ZNF385B: variants seen among roughly 807,000 people sequenced by gnomAD.
ZNF385B encodes zinc finger protein 533.
In ZNF385B, 23 loss-of-function variants were observed where a neutral mutation model predicts 39.2. The observed-to-expected ratio is 0.59, with a 90% CI of 0.42 to 0.83. ZNF385B has a LOEUF of 0.83. Among genes scored for constraint, ZNF385B ranks in the 40% least tolerant of loss-of-function variants. The pLI is 0.00. For missense variants in ZNF385B, 552 were observed against 598.9 expected, an observed-to-expected ratio of 0.92 and a Z score of 0.82; for synonymous variants, 205 against 222.6, an observed-to-expected ratio of 0.92 and a Z score of 0.70.
At chr2:179,687,671 A>T (rs1218290593) in intron 3 of ZNF385B, among the ~76,000 whole-genome samples, 3 of 152,198 alleles carry the variant, frequency 2.0e-5, no homozygotes, top group Admixed American at 2.0e-4. Flanking sequence ...TCAGATCTGG[A>T]GTAAGATAGG....
At chr2:179,573,091 GCT>G (rs1685416090) in intron 3 of ZNF385B, among the ~76,000 whole-genome samples, 1 of 152,126 alleles carries the variant, frequency 6.6e-6, no homozygotes, top group Admixed American at 6.6e-5. Flanking sequence ...TCAAGAATCT[GCT>G]CTCAAGTATT....
intron 1 of ZNF385B, among the ~76,000 whole-genome samples, chr2:179,847,670 G>A (rs112586154): frequency 2.6e-4 from 39 of 152,266 alleles, no homozygotes; most frequent in Admixed American, 7.2e-4. Flanking sequence ...CCAAAGCAAC[G>A]TTGAACCAGA....
chr2:179,455,733 C>T (rs1290058142), intron 6 of ZNF385B, among the ~76,000 whole-genome samples: 3 of 150,690 alleles, frequency 2.0e-5, no homozygotes, highest in Non-Finnish European at 4.4e-5. Context: ...ACCAAAAATA[C>T]AAAAAAAAAT....
intron 3 of ZNF385B, among the ~76,000 whole-genome samples, chr2:179,594,797 C>CTTTTTTTTTTT (rs35322965): frequency 1.4e-5 from 2 of 145,408 alleles, no homozygotes; most frequent in Non-Finnish European, 3.0e-5. Flanking sequence ...TAGGTAAACT[C>CTTTTTTTTTTT]TTTTTTTTTT....
chr2:179,823,232 T>C (rs1707503189), intron 1 of ZNF385B, among the ~76,000 whole-genome samples: 1 of 152,158 alleles, frequency 6.6e-6, no homozygotes. Context: ...TCAGTTACCA[T>C]AAAATACCAC....
chr2:179,771,243 G>A (rs1703991598), intron 1 of ZNF385B, among the ~76,000 whole-genome samples: 1 of 152,126 alleles, frequency 6.6e-6, no homozygotes, highest in African/African-American at 2.4e-5. Flanking sequence ...AAAGGAAGGA[G>A]CTACTAGAGA....
At chr2:179,521,764 G>GC (rs918745586) in intron 4 of ZNF385B, among the ~76,000 whole-genome samples, 1 of 151,998 alleles carries the variant, frequency 6.6e-6, no homozygotes, top group African/African-American at 2.4e-5. Context: ...AACTAAATAA[G>GC]CACAGCCCTT....
chr2:179,829,599 C>T (rs892833797), intron 1 of ZNF385B, among the ~76,000 whole-genome samples: 5 of 152,014 alleles, frequency 3.3e-5, no homozygotes, highest in South Asian at 2.1e-4. Context: ...CTGCAAGCTC[C>T]GCCTCCTGGG....
At chr2:179,854,148 C>G (rs1416517869) in intron 1 of ZNF385B, among the ~76,000 whole-genome samples, 1 of 152,100 alleles carries the variant, frequency 6.6e-6, no homozygotes, top group Non-Finnish European at 1.5e-5. Flanking sequence ...AGATTTTTCT[C>G]CCTCAGCCTG....
At chr2:179,749,874 CT>C (rs1258076075) in intron 3 of ZNF385B, among the ~76,000 whole-genome samples, 2 of 152,104 alleles carry the variant, frequency 1.3e-5, no homozygotes, top group Non-Finnish European at 2.9e-5. Flanking sequence ...CAACTCTTAT[CT>C]TTTAATACAT....
intron 3 of ZNF385B, among the ~76,000 whole-genome samples, chr2:179,615,312 G>A (rs1689642042): frequency 6.6e-6 from 1 of 152,158 alleles, no homozygotes; most frequent in South Asian, 2.1e-4. Context: ...ACTCTTATTT[G>A]GAAGTATTCT....
intron 1 of ZNF385B, among the ~76,000 whole-genome samples, chr2:179,798,040 T>C (rs1461743730): frequency 1.3e-5 from 2 of 152,128 alleles, no homozygotes; most frequent in Admixed American, 6.6e-5. Flanking sequence ...AGTACTGAGT[T>C]GGGCCACTAG....
At chr2:179,726,736 A>G (rs1701045735) in intron 3 of ZNF385B, among the ~76,000 whole-genome samples, 1 of 152,076 alleles carries the variant, frequency 6.6e-6, no homozygotes, top group Non-Finnish European at 1.5e-5. Flanking sequence ...ATAACTTGTG[A>G]CAATGATGAG....
chr2:179,572,648 G>A (rs944966521), intron 3 of ZNF385B, among the ~76,000 whole-genome samples: 4 of 152,146 alleles, frequency 2.6e-5, no homozygotes, highest in Non-Finnish European at 1.5e-5. Flanking sequence ...TGGGTAGATG[G>A]AAGGGCCTAT....
rs1707503543 is a variant in ZNF385B, at chr2:179,823,244, T to C, written c.-155+37857A>G. 5.9e-5 allele frequency among the ~76,000 whole-genome samples: 9 copies of C among 152,124 alleles called. No homozygotes were observed. In the South Asian group the frequency reaches 1.9e-3, roughly 32 times the overall value. On this transcript the variant is annotated intron_variant, in intron 1 of 9. Transcript: ENST00000410066. ...TCTTCAGTTACCATAAAATACCACA[T>C]AGAACTGCTATGCTGTATTACAAAG...
chr2:179,477,476 C>T (rs543612997), intron 6 of ZNF385B, among the ~76,000 whole-genome samples: 1 of 152,322 alleles, frequency 6.6e-6, no homozygotes. Flanking sequence ...AACACTGTTA[C>T]CTCACGGTCT....
chr2:179,479,985 T>A (rs1003548443), intron 6 of ZNF385B, among the ~76,000 whole-genome samples: 1 of 152,178 alleles, frequency 6.6e-6, no homozygotes, highest in Admixed American at 6.6e-5. Context: ...CTATTCCCTC[T>A]CTTTCAAAAT....
intron 3 of ZNF385B, among the ~76,000 whole-genome samples, chr2:179,648,863 T>C (rs1462288293): frequency 6.6e-6 from 1 of 152,130 alleles, no homozygotes; most frequent in African/African-American, 2.4e-5. Flanking sequence ...TCCATATGGA[T>C]AGAAATAAAT....
intron 1 of ZNF385B, among the ~76,000 whole-genome samples, chr2:179,801,326 C>T (rs919922293): frequency 3.3e-5 from 5 of 152,086 alleles, no homozygotes; most frequent in African/African-American, 1.2e-4. Flanking sequence ...CAAGTTTCTC[C>T]TGGTCTGGGG....
Sources: allele counts gnomAD v4.1 joint callset (sites outside exome capture counted in the v4.1 genomes callset), GRCh38; gene constraint gnomAD v4.1.1; transcripts MANE v1.5; gene names NCBI Gene and HGNC (gene_info 2026-07-23, HGNC 2026-07-21).